AIRE: variants seen among roughly 807,000 people sequenced by gnomAD.
AIRE encodes autoimmune regulator.
A neutral mutation model predicts 62.1 loss-of-function variants in AIRE; 52 were observed. The observed-to-expected ratio is 0.84, with a 90% CI of 0.67 to 1.06. The LOEUF is 1.06. Ranked by LOEUF, AIRE falls within the 50% of genes least tolerant of loss-of-function variation. AIRE has a pLI of 0.00. For synonymous variants in AIRE, 342 were observed against 321.6 expected (o/e 1.06, Z -0.68); for missense variants, 774 against 755.8 (o/e 1.02, Z -0.28).
In AIRE at chr21:44,293,065, A is replaced by G. The variant is rs771790456; in HGVS notation, c.1168A>G (p.Thr390Ala). 1.2e-4 allele frequency: 187 copies of G among 1,612,366 alleles called. No homozygotes were observed. The highest frequency in any genetic ancestry group is 1.6e-4 in the Non-Finnish European group (184 of 1,179,836). The change falls in exon 10 of 14, where the codon ACG (threonine) becomes GCG (alanine). Residue 390 changes from threonine to alanine, a missense_variant. Thr to Ala is a moderately conservative substitution (Grantham distance 58). Around this residue, in one of 3 missense-constraint regions of AIRE, gnomAD observed 354 missense variants for 296.1 expected, o/e 1.20. Transcript: ENST00000291582. ...TGGGGAACCCCTAGCCGGCATGGAC[A>G]CGACTCTTGTCTACAAGCACCTGCC... Reference protein sequence around the residue: ...PPGEPLAGMDTTLVYKHLPAP... With the variant: ...PPGEPLAGMDATLVYKHLPAP...
chr21:44,295,555 C>T (rs1473922558), intron 12 of AIRE, among the ~76,000 whole-genome samples: 1 of 152,248 alleles, frequency 6.6e-6, no homozygotes, highest in Non-Finnish European at 1.5e-5. Context: ...CCTGCAACTG[C>T]TCCCGCAGCG....
intron 11 of AIRE, 69 bp from the exon 12 acceptor site, chr21:44,294,332 C>CACCCCAT (rs2040582924): frequency 9.6e-7 from 1 of 1,044,542 alleles, no homozygotes; most frequent in Non-Finnish European, 1.4e-6. Flanking sequence ...CCACACCCCA[C>CACCCCAT]ACCCCATACC....
intron 5 of AIRE, 21 bp from the exon 6 acceptor site, chr21:44,289,636 C>T (rs1313109341): frequency 3.1e-6 from 5 of 1,612,464 alleles, no homozygotes; most frequent in South Asian, 1.1e-5. Flanking sequence ...TGAGCCAGGA[C>T]CAGCCGGCAT....
In AIRE at chr21:44,297,258, C is replaced by T. The variant is rs902059363; in HGVS notation, c.1567-398C>T. Among the ~76,000 whole-genome samples the T allele has an allele frequency of 6.6e-5, 10 of 152,314 alleles. No homozygotes were observed. Among genetic ancestry groups the T allele is most frequent in the South Asian group, 2.1e-4 (1 of 4,832 alleles). Reference sequence around the variant, plus strand: ...TGCTGGCATCGTGGGGCCCGTGGCCCCATCCTGTGGGAGCATCAGGCTCCT... The same window carrying T: ...TGCTGGCATCGTGGGGCCCGTGGCCTCATCCTGTGGGAGCATCAGGCTCCT... On this transcript the variant is annotated intron_variant, in intron 13 of 13. Coordinates refer to ENST00000291582, the MANE Select transcript of AIRE (RefSeq NM_000383.4). The surrounding 1 kb of genome is among the most constrained non-coding windows in gnomAD (Gnocchi z 4.8).
Position 44,286,434 on chromosome 21 carries a change from C to A in AIRE, c.133-123C>A. The A allele has an allele frequency of 9.1e-7, 1 of 1,104,380 alleles. No homozygotes were observed. 68.4% of individuals were successfully genotyped at this position (1,104,380 alleles called of 1,614,324 possible). A position where few individuals can be genotyped will look rare whatever the true frequency, so the allele number is the denominator to read the frequency against. On this transcript the variant is annotated intron_variant, in intron 1 of 13. Coordinates refer to ENST00000291582, the MANE Select transcript of AIRE (RefSeq NM_000383.4). This position sits in a 1 kb window ranked among gnomAD's most constrained non-coding sequence, Gnocchi z 6.0. ...CTCCACCACAAGCCGAGGAGATGGG[C>A]GTGGAGCTGTCCAGGTCGCCAGCGC...
chr21:44,287,426 C>G lies in AIRE; in HGVS notation c.464-91C>G. On this transcript the variant is annotated intron_variant, in intron 3 of 13. Coordinates refer to ENST00000291582, the MANE Select transcript of AIRE (RefSeq NM_000383.4). This position sits in a 1 kb window ranked among gnomAD's most constrained non-coding sequence, Gnocchi z 4.3. ...AGGGACTACCCAGCACTGGACCGCC[C>G]CCTCCACGCCCTCCCACCGCGGGCC... is the stretch of plus-strand genomic sequence containing the variant. The G allele has an allele frequency of 1.1e-6, 1 of 901,618 alleles. No individual in the cohort carries two copies. The highest frequency in any genetic ancestry group is 1.5e-5 in the South Asian group (1 of 68,836). The allele number at this position is 901,618 out of a possible 1,614,324, so 55.9% of individuals were successfully genotyped here. A position where few individuals can be genotyped will look rare whatever the true frequency, so the allele number is the denominator to read the frequency against.
At chr21:44,293,765 A>G in intron 10 of AIRE, 24 bp from the exon 11 acceptor site, 2 of 1,595,506 alleles carry the variant, frequency 1.3e-6, no homozygotes, top group Non-Finnish European at 1.7e-6. Flanking sequence ...CCCCCGCGTC[A>G]CCCCGCGCTG....
rs1472614566 is a variant in AIRE at position 44,286,769 on chromosome 21, G to A, written c.307+38G>A. 6.2e-7 allele frequency: 1 copy of A among 1,608,242 alleles called. No homozygotes were observed. The highest frequency in any genetic ancestry group is 2.2e-5 in the East Asian group (1 of 44,824). On this transcript the variant is annotated intron_variant, in intron 2 of 13. Transcript: ENST00000291582. This position sits in a 1 kb window ranked among gnomAD's most constrained non-coding sequence, Gnocchi z 6.0. ...GGACTCAGCCATGCTGGGGGCCTGG[G>A]GCAGCTGCTGTCACCTGCTCAGCCC...
At position 44,296,511 on chromosome 21, in the gene AIRE, G is replaced by T. The variant is rs1324885204; in HGVS notation, c.1566+66G>T. On this transcript the variant is annotated intron_variant, in intron 13 of 13. Coordinates refer to ENST00000291582, the MANE Select transcript of AIRE (RefSeq NM_000383.4). ...CTCCCCTGCCTCAGCCGGCACCCAGGCTCCCCACTCTGGGGGAGGACTGCC... is the reference window on the plus strand; with the variant it reads ...CTCCCCTGCCTCAGCCGGCACCCAGTCTCCCCACTCTGGGGGAGGACTGCC... 8.1e-6 allele frequency: 12 copies of T among 1,480,048 alleles called. No individual in the cohort carries two copies. The East Asian group carries it at 2.3e-4, about 28-fold the overall frequency. 91.7% of individuals were successfully genotyped at this position (1,480,048 alleles called of 1,614,324 possible).
At chr21:44,292,423 G>T in intron 9 of AIRE, 22 bp downstream of exon 9, 1 of 1,518,194 alleles carries the variant, frequency 6.6e-7, no homozygotes, top group Non-Finnish European at 8.9e-7. Flanking sequence ...CCCCCTCCTA[G>T]CCGGGCCACC....
chr21:44,293,953 C>T, intron 11 of AIRE, 43 bp downstream of exon 11: 2 of 1,590,072 alleles, frequency 1.3e-6, no homozygotes, highest in South Asian at 2.2e-5. Flanking sequence ...CCCACACCCA[C>T]ACCCTACACC....
Position 44,287,183 on chromosome 21 carries a change from T to G in AIRE, c.463+50T>G. The G allele has an allele frequency of 1.2e-6, 2 of 1,601,930 alleles. No homozygotes were observed. Among genetic ancestry groups the G allele is most frequent in the Non-Finnish European group, 8.5e-7 (1 of 1,175,176 alleles). ...GCCAGGGTCTCCAGTCTTCCCGGGC[T>G]TCCCCGGGAGCCCACGCCCCCTCCC... On this transcript the variant is annotated intron_variant, in intron 3 of 13. Coordinates refer to ENST00000291582, the MANE Select transcript of AIRE (RefSeq NM_000383.4). This position sits in a 1 kb window ranked among gnomAD's most constrained non-coding sequence, Gnocchi z 4.3.
At position 44,287,630 on chromosome 21, in the gene AIRE, GC is replaced by G. The variant is rs769952847; in HGVS notation, c.538+41del. On this transcript the variant is annotated intron_variant, in intron 4 of 13. Coordinates refer to ENST00000291582, the MANE Select transcript of AIRE (RefSeq NM_000383.4). This position sits in a 1 kb window ranked among gnomAD's most constrained non-coding sequence, Gnocchi z 4.3. ...AGTGGGAGCGCCTCCCTTCTCCCTG[GC>G]CAGGGGCAAGGGGTCAGGGGTCAGA... 2.6e-6 allele frequency: 4 copies of G among 1,533,058 alleles called. No homozygotes were observed. The African/African-American group carries it at 4.2e-5, about 16-fold the overall frequency. 95.0% of individuals were successfully genotyped at this position (1,533,058 alleles called of 1,614,324 possible).
Position 44,286,966 on chromosome 21 carries a change from C to T in AIRE, c.308-12C>T, listed in dbSNP as rs753353875. 6.2e-6 allele frequency: 10 copies of T among 1,612,768 alleles called. No individual in the cohort carries two copies. In the Admixed American group the frequency reaches 1.2e-4, roughly 19 times the overall value. ...CTGAGGTTGGGACCCTGCTCCTGCC[C>T]CTGAGCTGCAGATGTGGACCTCAGC... On this transcript the variant is annotated splice_polypyrimidine_tract_variant and intron_variant, in intron 2 of 13. Transcript: ENST00000291582. The surrounding 1 kb of genome is among the most constrained non-coding windows in gnomAD (Gnocchi z 6.0).
chr21:44,289,333 C>T (rs1342559996), intron 5 of AIRE: 3 of 387,738 alleles, frequency 7.7e-6, no homozygotes, highest in Non-Finnish European at 9.5e-6. Context: ...CACGTGTCCT[C>T]TTTATAAGGA....
intron 7 of AIRE, chr21:44,290,361 C>A: frequency 1.0e-6 from 1 of 985,416 alleles, no homozygotes; most frequent in Non-Finnish European, 1.2e-6. Context: ...GCCGGGCGCC[C>A]CTGCTATAGC....
chr21:44,290,774 G>A, intron 7 of AIRE: 2 of 1,474,616 alleles, frequency 1.4e-6, no homozygotes, highest in Non-Finnish European at 1.8e-6. Flanking sequence ...GACCTCCCTG[G>A]GCCTGGCCCC....
Position 44,286,636 on chromosome 21 carries a change from C to A in AIRE, c.212C>A (p.Ser71Tyr). Residue 71 changes from serine to tyrosine, a missense_variant, in exon 2 of 14, where the codon TCC (serine) becomes TAC (tyrosine). Physicochemically the swap from Ser to Tyr is moderately radical, Grantham distance 144. This residue lies in a region of AIRE where 385 missense variants were observed against 396.0 expected (regional missense o/e 0.97). Coordinates refer to ENST00000291582, the MANE Select transcript of AIRE (RefSeq NM_000383.4). This position sits in a 1 kb window ranked among gnomAD's most constrained non-coding sequence, Gnocchi z 6.0. The stretch of plus-strand genomic sequence containing the variant: ...CTGTCCTGGCTGCTGACCCAGGACT[C>A]CACAGCCATCCTGGACTTCTGGAGG... ...ALLSWLLTQDSTAILDFWRVL... is the reference protein window; with the variant it reads ...ALLSWLLTQDYTAILDFWRVL... 6.2e-7 allele frequency: 1 copy of A among 1,612,990 alleles called. No individual in the cohort carries two copies. Among genetic ancestry groups the A allele is most frequent in the Non-Finnish European group, 8.5e-7 (1 of 1,179,964 alleles).
Position 44,297,164 on chromosome 21 carries a change from GGGGTCCCC to G in AIRE, c.1567-487_1567-480del, listed in dbSNP as rs2040618077. Among the ~76,000 whole-genome samples, 1 of 152,216 alleles carries G rather than the reference GGGGTCCCC, an allele frequency of 6.6e-6. No homozygotes were observed. On this transcript the variant is annotated intron_variant, in intron 13 of 13. Coordinates refer to ENST00000291582, the MANE Select transcript of AIRE (RefSeq NM_000383.4). The surrounding 1 kb of genome is among the most constrained non-coding windows in gnomAD (Gnocchi z 4.8). Reference sequence around the variant, plus strand: ...GGGTAATGGAGCTGCCCCTCTGGATGGGGTCCCCGGGTATAGCTGGAGAAATGAGCGAC... The same window carrying G: ...GGGTAATGGAGCTGCCCCTCTGGATGGGGTATAGCTGGAGAAATGAGCGAC...
Sources: gnomAD v4.1 joint callset for allele counts (sites outside exome capture counted in the v4.1 genomes callset) on GRCh38, gnomAD v4.1.1 for gene constraint, gnomAD v4.1.1 regional missense constraint, Gnocchi (gnomAD v3.1) non-coding constraint, MANE v1.5 for transcripts, NCBI Gene and HGNC (gene_info 2026-07-23, HGNC 2026-07-21) for gene names.